Variants in PIK3R6 observed in about 807,000 individuals in gnomAD.
The protein encoded by PIK3R6 is phosphoinositide 3-kinase regulatory subunit 6.
In PIK3R6, 91 loss-of-function variants were observed where a neutral mutation model predicts 84.9. That is an observed-to-expected ratio of 1.07 (90% CI 0.90 to 1.28). PIK3R6 has a LOEUF of 1.28. Ranked by LOEUF, PIK3R6 falls within the 50% of genes most tolerant of loss-of-function variation. The pLI, the probability that PIK3R6 is intolerant of heterozygous loss-of-function variation, is 0.00. For synonymous variants in PIK3R6, 416 were observed against 411.4 expected (o/e 1.01, Z -0.13); for missense variants, 996 against 985.1 (o/e 1.01, Z -0.15).
At chr17:8,815,188 A>G (rs143827702) in intron 18 of PIK3R6, among the ~76,000 whole-genome samples, 6 of 152,342 alleles carry the variant, frequency 3.9e-5, no homozygotes, top group Non-Finnish European at 5.9e-5. Context: ...TATTCTATAG[A>G]TAGAAAACAA....
Position 8,803,943 on chromosome 17 carries a change from G to C in PIK3R6, c.2108+98C>G. 2.9e-6 allele frequency: 3 copies of C among 1,049,076 alleles called. No individual in the cohort carries two copies. The highest frequency in any genetic ancestry group is 1.4e-6 in the Non-Finnish European group (1 of 691,330). The allele number at this position is 1,049,076 out of a possible 1,614,324, so 65.0% of individuals were successfully genotyped here. A position where few individuals can be genotyped will look rare whatever the true frequency, so the allele number is the denominator to read the frequency against. On this transcript the variant is annotated intron_variant, in intron 19 of 19. Coordinates refer to ENST00000619866, the MANE Select transcript of PIK3R6 (RefSeq NM_001010855.4). The surrounding 1 kb of genome is among the most constrained non-coding windows in gnomAD (Gnocchi z 5.0). Reference sequence around the variant, plus strand: ...TGGCCACAGGATCTACCTCCGATGAGGTGCCTTGAGCTAGAGGCAGGAGAT... The same window carrying C: ...TGGCCACAGGATCTACCTCCGATGACGTGCCTTGAGCTAGAGGCAGGAGAT...
chr17:8,811,381 T>G (rs2087354094), intron 18 of PIK3R6, among the ~76,000 whole-genome samples: 1 of 148,624 alleles, frequency 6.7e-6, no homozygotes, highest in South Asian at 2.3e-4. Flanking sequence ...TGGAGACATT[T>G]TCCCCATTGT....
intron 11 of PIK3R6, 150 bp from the exon 12 acceptor site, chr17:8,828,340 G>A: frequency 1.0e-6 from 1 of 958,140 alleles, no homozygotes; most frequent in Non-Finnish European, 1.6e-6. Context: ...GTACAGTAAT[G>A]TCTCCCTCGC....
chr17:8,851,652 C>T (rs2088974317), intron 1 of PIK3R6, among the ~76,000 whole-genome samples: 1 of 152,164 alleles, frequency 6.6e-6, no homozygotes, highest in African/African-American at 2.4e-5. Flanking sequence ...GGATGTGGTG[C>T]ATTGCTGGTG....
chr17:8,824,469 C>G (rs1007904872), intron 13 of PIK3R6, among the ~76,000 whole-genome samples: 1 of 152,206 alleles, frequency 6.6e-6, no homozygotes, highest in African/African-American at 2.4e-5. Context: ...CCTCTAAGAC[C>G]TCTTCTATCT....
intron 1 of PIK3R6, among the ~76,000 whole-genome samples, chr17:8,858,885 T>C (rs1897223357): frequency 6.6e-6 from 1 of 152,162 alleles, no homozygotes; most frequent in South Asian, 2.1e-4. Flanking sequence ...AATTCATCCA[T>C]CCAAAGAGGA....
rs539915749 is a variant in PIK3R6, at chr17:8,845,509, T to C, written c.13+4273A>G. ...TTACCCATTTTTTAAGTGGGGTTAT[T>C]TGTTTTTTGCTTAATCAGTTGTGTA... On this transcript the variant is annotated intron_variant, in intron 2 of 19. Coordinates refer to ENST00000619866, the MANE Select transcript of PIK3R6 (RefSeq NM_001010855.4). Among the ~76,000 whole-genome samples the C allele has an allele frequency of 2.6e-5, 4 of 152,352 alleles. No homozygotes were observed. In the South Asian group the frequency reaches 8.3e-4, roughly 32 times the overall value.
rs934010115 is a variant in PIK3R6 at position 8,803,108 on chromosome 17, A to G, written c.*165T>C. 1 of 818,780 alleles carries G rather than the reference A, an allele frequency of 1.2e-6. No homozygotes were observed. The highest frequency in any genetic ancestry group is 1.9e-6 in the Non-Finnish European group (1 of 530,160). 50.7% of individuals were successfully genotyped at this position (818,780 alleles called of 1,614,324 possible). A position where few individuals can be genotyped will look rare whatever the true frequency, so the allele number is the denominator to read the frequency against. On this transcript the variant is annotated 3_prime_UTR_variant, in exon 20 of 20. Coordinates refer to ENST00000619866, the MANE Select transcript of PIK3R6 (RefSeq NM_001010855.4). This position sits in a 1 kb window ranked among gnomAD's most constrained non-coding sequence, Gnocchi z 5.0. ...TAGACCTCCATGTGGGCCCTTCCTC[A>G]TCACAGTCCCCAGGGTAGGCTCCCT...
At chr17:8,825,477 CTAAA>C (rs1178529814) in intron 13 of PIK3R6, among the ~76,000 whole-genome samples, 10 of 152,240 alleles carry the variant, frequency 6.6e-5, no homozygotes, top group Admixed American at 6.5e-4. Context: ...TAGGTATGTA[CTAAA>C]TACTTACAAG....
chr17:8,848,162 C>A (rs2088855910), intron 2 of PIK3R6, among the ~76,000 whole-genome samples: 1 of 152,216 alleles, frequency 6.6e-6, no homozygotes, highest in Non-Finnish European at 1.5e-5. Context: ...GGCAGGGCTA[C>A]CCTTCCCCTG....
chr17:8,865,884 G>A (rs1472926959), intron 1 of PIK3R6, among the ~76,000 whole-genome samples: 1 of 151,898 alleles, frequency 6.6e-6, no homozygotes, highest in African/African-American at 2.4e-5. Flanking sequence ...GGGTGGGGGT[G>A]GGGGAGCATT....
chr17:8,856,011 G>A (rs930352178), intron 1 of PIK3R6, among the ~76,000 whole-genome samples: 12 of 152,128 alleles, frequency 7.9e-5, no homozygotes, highest in Non-Finnish European at 1.6e-4. Context: ...AGAGAACTAC[G>A]TGCAACGACA....
intron 1 of PIK3R6, among the ~76,000 whole-genome samples, chr17:8,859,218 C>G (rs2089214071): frequency 6.6e-6 from 1 of 152,196 alleles, no homozygotes; most frequent in African/African-American, 2.4e-5. Context: ...AATCAAAGAG[C>G]CTCTTCAGAA....
At position 8,829,586 on chromosome 17, in the gene PIK3R6, A is replaced by G; in HGVS notation, c.889+120T>C. On this transcript the variant is annotated intron_variant, in intron 10 of 19. Transcript: ENST00000619866. ...CACACATACACACACAGACACACTG[A>G]CACACACTCATGCATACACACACTG... 4.9e-6 allele frequency: 5 copies of G among 1,019,050 alleles called. No individual in the cohort carries two copies. The South Asian group carries it at 5.7e-5, about 12-fold the overall frequency. The allele number at this position is 1,019,050 out of a possible 1,614,324, so 63.1% of individuals were successfully genotyped here.
chr17:8,852,994 C>T (rs195096), intron 1 of PIK3R6, among the ~76,000 whole-genome samples: 35,748 of 150,958 alleles, frequency 0.24, 5,132 homozygotes, highest in Non-Finnish European at 0.32. Context: ...ATGATATGTA[C>T]AACAGCATTC....
chr17:8,837,859 CCTGG>C lies in PIK3R6; in HGVS notation c.198_201del (p.Ser66ArgfsTer14). 8 of 1,613,858 alleles carry C rather than the reference CCTGG, an allele frequency of 5.0e-6. No individual in the cohort carries two copies. Among genetic ancestry groups the C allele is most frequent in the Non-Finnish European group, 6.8e-6 (8 of 1,179,790 alleles). ...AAGGGAATGATGACATGCCGGAGGT[CCTGG>C]CTTTCCGCCTGGAAAACAGGAGATC... is the stretch of plus-strand genomic sequence containing the variant. On this transcript the variant is annotated frameshift_variant, in exon 5 of 20. Coordinates refer to ENST00000619866, the MANE Select transcript of PIK3R6 (RefSeq NM_001010855.4). LOFTEE classifies it high-confidence loss of function.
intron 17 of PIK3R6, among the ~76,000 whole-genome samples, chr17:8,819,925 ATATATATATATATTTT>A: frequency 8.3e-6 from 1 of 119,854 alleles, no homozygotes. Context: ...TATATTTTAT[ATATATATATATATTTT>A]TATATATATA....
intron 1 of PIK3R6, among the ~76,000 whole-genome samples, chr17:8,853,877 C>T (rs776543852): frequency 1.3e-3 from 189 of 150,800 alleles, no homozygotes; most frequent in Non-Finnish European, 2.5e-3. Context: ...GCAGGAGAAT[C>T]GTTTGAACCC....
intron 4 of PIK3R6, 102 bp from the exon 5 acceptor site, chr17:8,837,973 G>A: frequency 1.0e-6 from 1 of 961,982 alleles, no homozygotes; most frequent in Admixed American, 1.8e-5. Context: ...TGGGGTGGAA[G>A]GCAGCCAGGG....
Sources: gnomAD v4.1 joint callset for allele counts (sites outside exome capture counted in the v4.1 genomes callset) on GRCh38, gnomAD v4.1.1 for gene constraint, Gnocchi (gnomAD v3.1) non-coding constraint, MANE v1.5 for transcripts, NCBI Gene and HGNC (gene_info 2026-07-23, HGNC 2026-07-21) for gene names.